Variants in SIPA1L3 observed in about 807,000 individuals in gnomAD.
The protein encoded by SIPA1L3 is signal-induced proliferation-associated 1-like protein 3.
A neutral mutation model predicts 150.1 loss-of-function variants in SIPA1L3; 59 were observed. The ratio of observed to expected loss-of-function variants is 0.39; its 90% CI spans 0.32 to 0.49. The LOEUF is 0.49. SIPA1L3 is among the 20% of genes least tolerant of loss of function. The pLI is 0.86. For missense variants in SIPA1L3, 2,211 were observed against 2,489.5 expected, an observed-to-expected ratio of 0.89 and a Z score of 2.38; for synonymous variants, 1,070 against 1,077.6, an observed-to-expected ratio of 0.99 and a Z score of 0.14.
chr19:37,979,888 G>C (rs1323965086), intron 1 of SIPA1L3, among the ~76,000 whole-genome samples: 1 of 152,236 alleles, frequency 6.6e-6, no homozygotes, highest in Non-Finnish European at 1.5e-5. Context: ...GGTTCGGCTG[G>C]CGGTGGGTCT....
Position 38,156,550 on chromosome 19 carries a change from C to T in SIPA1L3, c.3661+3583C>T, listed in dbSNP as rs541567877. ...GTTTAGAAATCATCATGAGGCTGGG[C>T]GCAGTGGCTCACGCCTGTAATCCCA... On this transcript the variant is annotated intron_variant, in intron 13 of 21. Coordinates refer to ENST00000222345, the MANE Select transcript of SIPA1L3 (RefSeq NM_015073.3). 1.0e-4 allele frequency among the ~76,000 whole-genome samples: 15 copies of T among 147,994 alleles called. No homozygotes were observed. In the East Asian group the frequency reaches 2.9e-3, roughly 29 times the overall value.
intron 15 of SIPA1L3, among the ~76,000 whole-genome samples, chr19:38,177,791 C>T (rs1424522080): frequency 6.6e-6 from 1 of 152,074 alleles, no homozygotes; most frequent in Non-Finnish European, 1.5e-5. Flanking sequence ...CTTGGGAGGT[C>T]GAGGCAGGTG....
intron 6 of SIPA1L3, among the ~76,000 whole-genome samples, chr19:38,103,273 A>G (rs1453187753): frequency 1.3e-5 from 2 of 152,156 alleles, no homozygotes; most frequent in African/African-American, 4.8e-5. Context: ...GTGGTATCAC[A>G]TAGGACGTAT....
At chr19:38,189,104 G>A (rs1972751920) in intron 16 of SIPA1L3, among the ~76,000 whole-genome samples, 2 of 151,362 alleles carry the variant, frequency 1.3e-5, no homozygotes. Context: ...TCCTGCATAT[G>A]AACTACTTCC....
intron 1 of SIPA1L3, among the ~76,000 whole-genome samples, chr19:37,956,482 G>GTTTTTTTTTTTTTT (rs34804753): frequency 1.6e-5 from 2 of 126,882 alleles, no homozygotes; most frequent in African/African-American, 2.9e-5. Flanking sequence ...AAGTATAAAA[G>GTTTTTTTTTTTTTT]TTTTGTTTTT....
Position 38,130,653 on chromosome 19 carries a change from G to A in SIPA1L3, c.3024G>A (p.Val1008=), listed in dbSNP as rs1971287060. The A allele has an allele frequency of 1.2e-6, 2 of 1,613,872 alleles. No individual in the cohort carries two copies. The highest frequency in any genetic ancestry group is 1.7e-6 in the Non-Finnish European group (2 of 1,180,048). ...GCCTCCGGCAGGGCAGCCGACTAGT[G>A]GAGATCTGCAAGGTGGCCGTGGTCA... The part of the protein sequence containing the change: ...QAGLRQGSRL[V]EICKVAVVTL... The change falls in exon 10 of 22, where the codon GTG becomes GTA. Residue 1008 remains valine, a synonymous_variant. Transcript: ENST00000222345.
intron 1 of SIPA1L3, among the ~76,000 whole-genome samples, chr19:37,927,657 GTGTGT>G (rs1568466819): frequency 5.6e-3 from 53 of 9,534 alleles, no homozygotes; most frequent in African/African-American, 0.027. Flanking sequence ...AACATGGGGT[GTGTGT>G]GTGTGTGTGT....
intron 1 of SIPA1L3, among the ~76,000 whole-genome samples, chr19:37,995,440 T>C (rs1331423887): frequency 1.3e-5 from 2 of 152,098 alleles, no homozygotes; most frequent in Non-Finnish European, 2.9e-5. Context: ...GCCTGCAGTT[T>C]TAACCCCTGT....
intron 11 of SIPA1L3, 117 bp downstream of exon 11, chr19:38,141,552 C>G: frequency 8.9e-7 from 1 of 1,125,062 alleles, no homozygotes; most frequent in African/African-American, 1.6e-5. Context: ...AGCTTTCGAC[C>G]TTCCTTCTTA....
At chr19:37,953,238 C>G (rs1341132015) in intron 1 of SIPA1L3, among the ~76,000 whole-genome samples, 1 of 152,074 alleles carries the variant, frequency 6.6e-6, no homozygotes. Context: ...AGTTTTTTTC[C>G]TCTTTGGAAA....
At chr19:38,117,997 C>T (rs1970928513) in intron 8 of SIPA1L3, among the ~76,000 whole-genome samples, 1 of 152,118 alleles carries the variant, frequency 6.6e-6, no homozygotes, top group Non-Finnish European at 1.5e-5. Context: ...ATTTTGATAG[C>T]GCCTCCATCA....
chr19:38,145,534 CAAA>C (rs35073920), intron 12 of SIPA1L3, among the ~76,000 whole-genome samples: 16 of 94,254 alleles, frequency 1.7e-4, no homozygotes, highest in Admixed American at 3.3e-4. Flanking sequence ...AACTCCGTCT[CAAA>C]AAAAAAAAAA....
chr19:38,124,759 G>A (rs1971131086), intron 9 of SIPA1L3, among the ~76,000 whole-genome samples: 1 of 152,218 alleles, frequency 6.6e-6, no homozygotes, highest in Non-Finnish European at 1.5e-5. Flanking sequence ...CGGCACCTCG[G>A]GAGGCTGAGG....
Position 38,164,968 on chromosome 19 carries a change from G to C in SIPA1L3, c.4208+62G>C. 1 of 1,412,964 alleles carries C rather than the reference G, an allele frequency of 7.1e-7. No homozygotes were observed. Among genetic ancestry groups the C allele is most frequent in the Non-Finnish European group, 9.4e-7 (1 of 1,064,878 alleles). The allele number at this position is 1,412,964 out of a possible 1,614,324, so 87.5% of individuals were successfully genotyped here. On this transcript the variant is annotated intron_variant, in intron 15 of 21. Coordinates refer to ENST00000222345, the MANE Select transcript of SIPA1L3 (RefSeq NM_015073.3). The surrounding 1 kb of genome is among the most constrained non-coding windows in gnomAD (Gnocchi z 4.1). ...TCCACTTCGCCAGTTCTACTTTTAC[G>C]GTCCTGATGGTGGGGTTCTCCTCCC...
Position 38,003,097 on chromosome 19 carries a change from G to GT in SIPA1L3, c.-378-25990dup, listed in dbSNP as rs527989116. Among the ~76,000 whole-genome samples the GT allele has an allele frequency of 9.7e-4, 148 of 152,296 alleles. 2 individuals are homozygous for GT. The East Asian group carries it at 0.019, about 20-fold the overall frequency. ...GGAGGTGGAGGTTGCAGTGAGCCGA[G>GT]TTCACACACTCCAGCCTGGGCAACA... On this transcript the variant is annotated intron_variant, in intron 1 of 21. Coordinates refer to ENST00000222345, the MANE Select transcript of SIPA1L3 (RefSeq NM_015073.3).
intron 1 of SIPA1L3, among the ~76,000 whole-genome samples, chr19:38,012,666 C>T (rs1180666498): frequency 6.6e-6 from 1 of 151,958 alleles, no homozygotes; most frequent in Non-Finnish European, 1.5e-5. Context: ...GTCCATTCCC[C>T]CCACCCCCCA....
intron 12 of SIPA1L3, among the ~76,000 whole-genome samples, chr19:38,144,501 T>G (rs1971663940): frequency 6.6e-6 from 1 of 152,220 alleles, no homozygotes; most frequent in East Asian, 1.9e-4. Flanking sequence ...AAATACAGAT[T>G]ATTGGGCCTG....
intron 1 of SIPA1L3, among the ~76,000 whole-genome samples, chr19:38,002,183 G>A (rs8112467): frequency 6.6e-6 from 1 of 152,094 alleles, no homozygotes; most frequent in African/African-American, 2.4e-5. Flanking sequence ...CTCTGTCTCT[G>A]AAAAACAATA....
intron 1 of SIPA1L3, among the ~76,000 whole-genome samples, chr19:37,986,812 C>T (rs185233024): frequency 6.6e-6 from 1 of 152,316 alleles, no homozygotes; most frequent in Non-Finnish European, 1.5e-5. Flanking sequence ...TTCAGGGACA[C>T]TCTCTGAATT....
Sources: allele counts gnomAD v4.1 joint callset (sites outside exome capture counted in the v4.1 genomes callset), GRCh38; gene constraint gnomAD v4.1.1; non-coding constraint Gnocchi (gnomAD v3.1); transcripts MANE v1.5; gene names NCBI Gene and HGNC (gene_info 2026-07-23, HGNC 2026-07-21).